Variants in CSTPP1 observed in about 807,000 individuals in gnomAD.
The protein encoded by CSTPP1 is centriolar satellite-associated tubulin polyglutamylase complex regulator 1, also known as UPF0705 protein C11orf49.
At chr11:47,106,057 A>G in the CSTPP1 span, among the ~76,000 whole-genome samples, 1 of 152,320 alleles carries the variant, frequency 6.6e-6, no homozygotes, top group African/African-American at 2.4e-5. Flanking sequence ...CTGTGTTGAT[A>G]GCCATGATAC....
the CSTPP1 span, among the ~76,000 whole-genome samples, chr11:47,045,872 C>T: frequency 1.3e-4 from 19 of 151,952 alleles, no homozygotes; most frequent in African/African-American, 3.6e-4. Context: ...CTGCAACCTC[C>T]GTCCCCCGGG....
chr11:47,043,098 G>A, the CSTPP1 span, among the ~76,000 whole-genome samples: 3 of 152,152 alleles, frequency 2.0e-5, no homozygotes, highest in Non-Finnish European at 4.4e-5. Context: ...TTCAGAAGGC[G>A]TAGGTAACTG....
At chr11:47,130,034 G>A in the CSTPP1 span, among the ~76,000 whole-genome samples, 10 of 152,042 alleles carry the variant, frequency 6.6e-5, no homozygotes, top group African/African-American at 1.9e-4. Flanking sequence ...CGAGGCGGGC[G>A]GACCACGAGG....
chr11:46,987,242 A>G, the CSTPP1 span: 5 of 1,614,174 alleles, frequency 3.1e-6, no homozygotes, highest in Non-Finnish European at 4.2e-6. Flanking sequence ...TGGAGGATGC[A>G]GTGTGCCAGC....
the CSTPP1 span, among the ~76,000 whole-genome samples, chr11:47,083,952 A>T: frequency 6.6e-6 from 1 of 152,204 alleles, no homozygotes; most frequent in Non-Finnish European, 1.5e-5. Flanking sequence ...GTTTTCATTT[A>T]TCTTGGGTAA....
At chr11:47,161,469 C>T in the CSTPP1 span, 1 of 1,613,818 alleles carries the variant, frequency 6.2e-7, no homozygotes. Flanking sequence ...TTCAGGCTGG[C>T]CCAGGTCCCA....
chr11:47,015,219 A>G, the CSTPP1 span, among the ~76,000 whole-genome samples: 18 of 152,184 alleles, frequency 1.2e-4, 1 homozygote, highest in East Asian at 9.6e-4. Context: ...GCTCACGCCT[A>G]TAATCCCAGC....
At chr11:47,063,202 T>C in the CSTPP1 span, among the ~76,000 whole-genome samples, 1 of 152,236 alleles carries the variant, frequency 6.6e-6, no homozygotes, top group Non-Finnish European at 1.5e-5. Flanking sequence ...TTAGAAATTA[T>C]TTCATCTTGA....
the CSTPP1 span, among the ~76,000 whole-genome samples, chr11:46,968,587 AC>A: frequency 1.3e-5 from 2 of 151,216 alleles, no homozygotes; most frequent in African/African-American, 2.4e-5. Context: ...AATCTTGATC[AC>A]CCCCCCGAAC....
At chr11:47,115,521 C>T in the CSTPP1 span, among the ~76,000 whole-genome samples, 11 of 152,260 alleles carry the variant, frequency 7.2e-5, no homozygotes, top group South Asian at 2.3e-3. Context: ...CATTCAACTT[C>T]TTCCTGGTTT....
the CSTPP1 span, among the ~76,000 whole-genome samples, chr11:47,029,925 T>C: frequency 1.6e-4 from 24 of 146,816 alleles, no homozygotes; most frequent in African/African-American, 6.1e-4. Context: ...TAGTGAGGCC[T>C]CGTCTCTACT....
chr11:47,160,992 G>A, the CSTPP1 span: 3 of 1,133,566 alleles, frequency 2.6e-6, no homozygotes, highest in Non-Finnish European at 3.8e-6. Context: ...GGCCCCTCTA[G>A]CAGTCCTCAG....
At chr11:47,080,636 T>C in the CSTPP1 span, among the ~76,000 whole-genome samples, 2 of 152,228 alleles carry the variant, frequency 1.3e-5, no homozygotes, top group East Asian at 3.9e-4. Context: ...CCCAAGGTAA[T>C]CAAATTGAAA....
At chr11:46,998,830 G>A in the CSTPP1 span, among the ~76,000 whole-genome samples, 2 of 152,062 alleles carry the variant, frequency 1.3e-5, no homozygotes, top group African/African-American at 2.4e-5. Context: ...CCGCCTCTCA[G>A]GTTCACGACA....
chr11:47,110,991 G>A, the CSTPP1 span, among the ~76,000 whole-genome samples: 5 of 150,602 alleles, frequency 3.3e-5, no homozygotes, highest in Non-Finnish European at 7.4e-5. Context: ...CCGGGTTCAC[G>A]CCATTCTCCT....
At chr11:47,101,197 T>TTTTTTTTTTTTTTTTTTG in the CSTPP1 span, among the ~76,000 whole-genome samples, 1 of 136,820 alleles carries the variant, frequency 7.3e-6, no homozygotes, top group African/African-American at 2.8e-5. Context: ...TTTATTTTAT[T>TTTTTTTTTTTTTTTTTTG]TTTAGTAGAG....
the CSTPP1 span, among the ~76,000 whole-genome samples, chr11:47,070,329 T>G: frequency 6.6e-6 from 1 of 151,540 alleles, no homozygotes; most frequent in African/African-American, 2.4e-5. Flanking sequence ...TGTTGAAAAT[T>G]TAATATTTTC....
chr11:46,936,907 G>A, the CSTPP1 span: 1 of 1,485,128 alleles, frequency 6.7e-7, no homozygotes, highest in Non-Finnish European at 9.0e-7. Flanking sequence ...ATTAGGCCAG[G>A]GTCTGGGAGG....
the CSTPP1 span, among the ~76,000 whole-genome samples, chr11:47,031,549 T>A: frequency 1.3e-5 from 2 of 151,902 alleles, no homozygotes; most frequent in Non-Finnish European, 2.9e-5. Context: ...ATAAACAAAA[T>A]TAGCCAGGCA....
Sources: allele counts gnomAD v4.1 joint callset (sites outside exome capture counted in the v4.1 genomes callset), GRCh38; gene constraint gnomAD v4.1.1; transcripts MANE v1.5; gene names NCBI Gene and HGNC (gene_info 2026-07-23, HGNC 2026-07-21).